SIM1: variants seen among roughly 807,000 people sequenced by gnomAD.
SIM1 encodes the protein single-minded homolog 1.
In SIM1, 18 loss-of-function variants were observed where a neutral mutation model predicts 78.2. The ratio of observed to expected loss-of-function variants is 0.23; its 90% CI spans 0.16 to 0.34. The LOEUF (loss-of-function observed/expected upper bound fraction) is 0.34. SIM1 is among the 10% of genes least tolerant of loss of function. The pLI is 1.00. For missense variants in SIM1, 939 were observed against 975.1 expected (o/e 0.96, Z 0.49); for synonymous variants, 417 against 385.2 (o/e 1.08, Z -0.97).
At chr6:100,429,509 G>T (rs995602951) in intron 9 of SIM1, among the ~76,000 whole-genome samples, 1 of 151,982 alleles carries the variant, frequency 6.6e-6, no homozygotes, top group Non-Finnish European at 1.5e-5. Flanking sequence ...AAAATATTAT[G>T]CAGTTATTAA....
intron 10 of SIM1, among the ~76,000 whole-genome samples, chr6:100,414,454 C>A (rs2114495733): frequency 6.6e-6 from 1 of 152,298 alleles, no homozygotes; most frequent in Admixed American, 6.5e-5. Flanking sequence ...AAATAATAAT[C>A]TGAGATTCAT....
Position 100,449,788 on chromosome 6 carries a change from T to C in SIM1, c.349-89A>G, listed in dbSNP as rs947585865. Reference sequence around the variant, plus strand: ...TTAGGCCAGGGGATCTGCAGGACCATGAGGACAGCAGCCAGAATTCTGGAA... The same window carrying C: ...TTAGGCCAGGGGATCTGCAGGACCACGAGGACAGCAGCCAGAATTCTGGAA... On this transcript the variant is annotated intron_variant, in intron 4 of 11. Transcript: ENST00000369208. 1.2e-5 allele frequency: 13 copies of C among 1,073,654 alleles called. 1 individual carries two copies. In the South Asian group the frequency reaches 1.3e-4, roughly 11 times the overall value. 66.5% of individuals were successfully genotyped at this position (1,073,654 alleles called of 1,614,324 possible).
At chr6:100,420,129 A>C (rs1771533398) in intron 10 of SIM1, among the ~76,000 whole-genome samples, 4 of 152,164 alleles carry the variant, frequency 2.6e-5, no homozygotes, top group East Asian at 1.9e-4. Flanking sequence ...ACCTTGACAC[A>C]GTCTAGTTTA....
In SIM1 at chr6:100,393,864, G is replaced by C; in HGVS notation, c.1193C>G (p.Ser398Trp). ...CCACTGGCTGTCATGATCAGATTCC[G>C]ATCTTTCTGTGTGAAATCCCGAATA... ...PQYSGFHTERSESDHDSQWGG... is the reference protein window; with the variant it reads ...PQYSGFHTERWESDHDSQWGG... The change falls in exon 11 of 12, where the codon TCG (serine) becomes TGG (tryptophan). Residue 398 changes from serine (S) to tryptophan (W), a missense_variant. By Grantham distance (177) the Ser-to-Trp change is radical (BLOSUM62 -3). Coordinates refer to ENST00000369208, the MANE Select transcript of SIM1 (RefSeq NM_005068.3). 6.4e-7 allele frequency: 1 copy of C among 1,570,694 alleles called. No individual in the cohort carries two copies. The highest frequency in any genetic ancestry group is 8.7e-7 in the Non-Finnish European group (1 of 1,155,078).
At chr6:100,461,954 AC>A (rs1772868083) in intron 2 of SIM1, among the ~76,000 whole-genome samples, 1 of 150,964 alleles carries the variant, frequency 6.6e-6, no homozygotes, top group Admixed American at 6.6e-5. Flanking sequence ...GGAGGGAACG[AC>A]TAAAGCATCA....
chr6:100,428,769 AAC>A (rs1256480348), intron 9 of SIM1, among the ~76,000 whole-genome samples: 1 of 152,098 alleles, frequency 6.6e-6, no homozygotes, highest in African/African-American at 2.4e-5. Flanking sequence ...TGTATAGGAA[AAC>A]ACACACACTT....
chr6:100,450,014 G>A (rs556149404), intron 4 of SIM1, among the ~76,000 whole-genome samples: 3 of 152,248 alleles, frequency 2.0e-5, no homozygotes, highest in East Asian at 3.9e-4. Context: ...AGTATGTAAC[G>A]TCCTCTCATG....
chr6:100,389,980 T>G lies in SIM1; in HGVS notation c.*381A>C. On this transcript the variant is annotated 3_prime_UTR_variant, in exon 12 of 12. Coordinates refer to ENST00000369208, the MANE Select transcript of SIM1 (RefSeq NM_005068.3). Reference sequence around the variant, plus strand: ...AGCCTATATTTCCATATGTAAAATGTATACCGCAGTTTGTAAGTAATAGTT... The same window carrying G: ...AGCCTATATTTCCATATGTAAAATGGATACCGCAGTTTGTAAGTAATAGTT... The G allele has an allele frequency of 2.6e-6, 1 of 387,502 alleles. No individual in the cohort carries two copies. The highest frequency in any genetic ancestry group is 3.8e-5 in the East Asian group (1 of 26,658). The allele number at this position is 387,502 out of a possible 1,614,324, so 24.0% of individuals were successfully genotyped here.
chr6:100,426,168 G>A (rs1428585741), intron 9 of SIM1, among the ~76,000 whole-genome samples: 3 of 152,042 alleles, frequency 2.0e-5, no homozygotes, highest in African/African-American at 7.2e-5. Context: ...ACATCTTCAG[G>A]TGCCTCAGCT....
At chr6:100,413,776 G>A (rs1002535520) in intron 10 of SIM1, among the ~76,000 whole-genome samples, 3 of 152,022 alleles carry the variant, frequency 2.0e-5, no homozygotes, top group African/African-American at 7.3e-5. Context: ...ATTTTATACT[G>A]TTGTGCTCCA....
intron 3 of SIM1, 118 bp from the exon 4 acceptor site, chr6:100,450,474 G>T: frequency 1.2e-6 from 1 of 837,978 alleles, no homozygotes; most frequent in East Asian, 2.5e-5. Context: ...AGTGGAGCAG[G>T]TTTGGCAGGA....
At chr6:100,448,916 C>A (rs981419440) in intron 6 of SIM1, among the ~76,000 whole-genome samples, 28 of 152,188 alleles carry the variant, frequency 1.8e-4, no homozygotes, top group African/African-American at 6.8e-4. Flanking sequence ...CCCCACCAAC[C>A]CTAACGCATC....
chr6:100,418,383 T>TAAATA (rs71028023), intron 10 of SIM1, among the ~76,000 whole-genome samples: 2 of 150,838 alleles, frequency 1.3e-5, no homozygotes, highest in Admixed American at 6.6e-5. Flanking sequence ...AATAAATAAA[T>TAAATA]AAATAAAATA....
At chr6:100,461,718 T>C (rs1772853095) in intron 2 of SIM1, among the ~76,000 whole-genome samples, 1 of 152,192 alleles carries the variant, frequency 6.6e-6, no homozygotes, top group Non-Finnish European at 1.5e-5. Flanking sequence ...CTTTTTTAAA[T>C]AGAAGGCAGT....
At chr6:100,397,295 A>G (rs1770790841) in intron 10 of SIM1, among the ~76,000 whole-genome samples, 1 of 152,206 alleles carries the variant, frequency 6.6e-6, no homozygotes, top group Non-Finnish European at 1.5e-5. Context: ...TCTGCCCTTA[A>G]GACCTATAAG....
At chr6:100,453,661 T>G (rs570020417) in intron 3 of SIM1, 101 bp downstream of exon 3, 21 of 914,108 alleles carry the variant, frequency 2.3e-5, no homozygotes, top group East Asian at 2.2e-4. Flanking sequence ...GGTTGTTTGT[T>G]TTTTTTTTGT....
intron 9 of SIM1, among the ~76,000 whole-genome samples, chr6:100,429,621 CATTT>C (rs1771850301): frequency 6.6e-6 from 1 of 151,956 alleles, no homozygotes; most frequent in African/African-American, 2.4e-5. Context: ...TAAACTAAAA[CATTT>C]AGTTAGTATT....
At chr6:100,442,336 T>C (rs1024738716) in intron 9 of SIM1, among the ~76,000 whole-genome samples, 1 of 152,214 alleles carries the variant, frequency 6.6e-6, no homozygotes, top group East Asian at 1.9e-4. Context: ...TCCCAGCTCT[T>C]CCTTTTAACT....
intron 10 of SIM1, among the ~76,000 whole-genome samples, chr6:100,412,699 G>GAA (rs1166784869): frequency 2.1e-5 from 2 of 96,950 alleles, no homozygotes; most frequent in Non-Finnish European, 4.2e-5. Context: ...AAGAAAGAAA[G>GAA]AAAGAAAGAA....
Sources: allele counts gnomAD v4.1 joint callset (sites outside exome capture counted in the v4.1 genomes callset), GRCh38; gene constraint gnomAD v4.1.1; transcripts MANE v1.5; gene names NCBI Gene and HGNC (gene_info 2026-07-23, HGNC 2026-07-21).